The following DGKB variants were observed in gnomAD, a reference collection of about 807,000 sequenced individuals.
The protein encoded by DGKB is diacylglycerol kinase beta.
In DGKB, 67 loss-of-function variants were observed where a neutral mutation model predicts 114.3. The observed-to-expected ratio is 0.59, with a 90% CI of 0.48 to 0.72. The LOEUF is 0.72. DGKB is among the 30% of genes least tolerant of loss of function. The probability of loss-of-function intolerance (pLI) is 0.00; values close to 1 mark genes in which losing one functional copy is unlikely to be tolerated. For synonymous variants in DGKB, 398 were observed against 323.1 expected (o/e 1.23, Z -2.49); for missense variants, 907 against 975.2 (o/e 0.93, Z 0.93).
At chr7:14,917,085 G>A (rs1395647345) in intron 1 of DGKB, among the ~76,000 whole-genome samples, 1 of 151,906 alleles carries the variant, frequency 6.6e-6, no homozygotes, top group South Asian at 2.1e-4. Context: ...TAAACTAAAT[G>A]ACTAAGAAAA....
intron 4 of DGKB, chr7:14,750,133 A>G (rs1833896079): frequency 1.9e-6 from 1 of 518,466 alleles, no homozygotes; most frequent in African/African-American, 1.9e-5. Flanking sequence ...AGTTCCTTAA[A>G]TTGCCCAACA....
chr7:14,862,776 T>C (rs1275983430), intron 1 of DGKB, among the ~76,000 whole-genome samples: 2 of 152,126 alleles, frequency 1.3e-5, no homozygotes, highest in African/African-American at 2.4e-5. Context: ...TACAAATTGT[T>C]CACTGTTTTT....
In DGKB at chr7:14,930,898, G is replaced by T. The variant is rs116531190; in HGVS notation, c.-188+43798C>A. 4.8e-3 allele frequency among the ~76,000 whole-genome samples: 734 copies of T among 152,110 alleles called. 5 individuals are homozygous for T. Among genetic ancestry groups the T allele is most frequent in the African/African-American group, 0.015 (620 of 41,516 alleles). The stretch of plus-strand genomic sequence containing the variant: ...ATGTTTCTTCTATGTCTGGTTTGTT[G>T]AGTATTTTTATCATGAAGGTATGTT... On this transcript the variant is annotated intron_variant, in intron 1 of 4. Coordinates refer to the DGKB transcript ENST00000437998.
At chr7:14,212,477 C>G (rs1371227871) in intron 23 of DGKB, among the ~76,000 whole-genome samples, 1 of 151,934 alleles carries the variant, frequency 6.6e-6, no homozygotes, top group African/African-American at 2.4e-5. Flanking sequence ...ACACTTATTC[C>G]TAGCCTTCTT....
chr7:14,377,250 C>T (rs961220696), intron 21 of DGKB, among the ~76,000 whole-genome samples: 1 of 152,058 alleles, frequency 6.6e-6, no homozygotes, highest in African/African-American at 2.4e-5. Context: ...AGCCAGCCAG[C>T]CAAATGTACC....
intron 20 of DGKB, among the ~76,000 whole-genome samples, chr7:14,535,135 C>A (rs1399843649): frequency 6.6e-6 from 1 of 152,018 alleles, no homozygotes; most frequent in South Asian, 2.1e-4. Flanking sequence ...TTTGGAAGGC[C>A]AAAGTAGCAG....
intron 23 of DGKB, among the ~76,000 whole-genome samples, chr7:14,185,241 A>C (rs1306387635): frequency 6.6e-6 from 1 of 152,234 alleles, no homozygotes; most frequent in African/African-American, 2.4e-5. Flanking sequence ...CAAGTGGAGA[A>C]TCAAATAAAG....
At chr7:14,791,980 A>G (rs1840727720) in intron 2 of DGKB, among the ~76,000 whole-genome samples, 1 of 152,128 alleles carries the variant, frequency 6.6e-6, no homozygotes, top group Admixed American at 6.6e-5. Context: ...GCTTTATAAT[A>G]TGAATTGCTG....
At chr7:14,968,848 T>C (rs2115299805) in intron 1 of DGKB, among the ~76,000 whole-genome samples, 1 of 152,314 alleles carries the variant, frequency 6.6e-6, no homozygotes, top group East Asian at 1.9e-4. Context: ...ATATTGACCA[T>C]ACATTTGCAT....
chr7:14,451,517 C>T (rs1831480986), intron 21 of DGKB, among the ~76,000 whole-genome samples: 1 of 150,250 alleles, frequency 6.7e-6, no homozygotes, highest in African/African-American at 2.5e-5. Flanking sequence ...TCATGTGAGC[C>T]AATTCCTTAT....
chr7:14,385,940 C>G (rs899119149), intron 21 of DGKB, among the ~76,000 whole-genome samples: 2 of 152,276 alleles, frequency 1.3e-5, no homozygotes, highest in African/African-American at 4.8e-5. Flanking sequence ...ATTACTACAG[C>G]TTGTTGTCTT....
At chr7:14,400,063 C>A (rs62444610) in intron 21 of DGKB, among the ~76,000 whole-genome samples, 2 of 151,828 alleles carry the variant, frequency 1.3e-5, no homozygotes, top group Admixed American at 6.6e-5. Flanking sequence ...TGCTGAAGTG[C>A]GTGTAAAAAT....
chr7:14,166,459 A>T (rs567643207), intron 25 of DGKB, among the ~76,000 whole-genome samples: 1 of 152,334 alleles, frequency 6.6e-6, no homozygotes, highest in African/African-American at 2.4e-5. Flanking sequence ...CCAAGTCAGC[A>T]CGCAGGTAGT....
At chr7:14,274,085 T>G (rs1798648988) in intron 23 of DGKB, among the ~76,000 whole-genome samples, 1 of 152,212 alleles carries the variant, frequency 6.6e-6, no homozygotes, top group African/African-American at 2.4e-5. Context: ...GTTCATAAGT[T>G]GCTTTGCTCA....
chr7:14,643,316 A>C (rs1250296721), intron 13 of DGKB, among the ~76,000 whole-genome samples: 1 of 151,534 alleles, frequency 6.6e-6, no homozygotes, highest in Non-Finnish European at 1.5e-5. Context: ...CCCCGAGCCT[A>C]GTGCAGAGAG....
At chr7:14,796,907 T>C (rs1459662983) in intron 2 of DGKB, among the ~76,000 whole-genome samples, 1 of 152,110 alleles carries the variant, frequency 6.6e-6, no homozygotes, top group Admixed American at 6.6e-5. Context: ...TCCTTTGACA[T>C]CTTTTTGTTT....
chr7:14,946,350 C>A (rs1562895186), intron 1 of DGKB, among the ~76,000 whole-genome samples: 1 of 151,642 alleles, frequency 6.6e-6, no homozygotes, highest in Non-Finnish European at 1.5e-5. Context: ...ATGGACCCTC[C>A]ATTTCCTTAA....
intron 23 of DGKB, among the ~76,000 whole-genome samples, chr7:14,293,382 G>C (rs1295740905): frequency 6.6e-6 from 1 of 152,020 alleles, no homozygotes; most frequent in Non-Finnish European, 1.5e-5. Context: ...AATGACTTCT[G>C]TTTTCTATTG....
intron 8 of DGKB, 70 bp downstream of exon 8, chr7:14,698,013 GAAAGAGAAAGAA>G (rs1291391162): frequency 6.7e-6 from 5 of 748,536 alleles, no homozygotes; most frequent in South Asian, 1.6e-5. Flanking sequence ...AAGAAAGAAA[GAAAGAGAAAGAA>G]AGAAAGAAAG....
Sources: gnomAD v4.1 joint callset for allele counts (sites outside exome capture counted in the v4.1 genomes callset) on GRCh38, gnomAD v4.1.1 for gene constraint, MANE v1.5 for transcripts, NCBI Gene and HGNC (gene_info 2026-07-23, HGNC 2026-07-21) for gene names.